The following ASAP1 variants were observed in gnomAD, a reference collection of about 807,000 sequenced individuals.
The protein encoded by ASAP1 is arf-GAP with SH3 domain, ANK repeat and PH domain-containing protein 1.
ASAP1 carries 43 observed loss-of-function variants against 145.2 expected under a neutral mutation model. The observed-to-expected ratio is 0.30, with a 90% CI of 0.23 to 0.38. The LOEUF is 0.38. Among genes scored for constraint, ASAP1 ranks in the 10% least tolerant of loss-of-function variants. The pLI, the probability that ASAP1 is intolerant of heterozygous loss-of-function variation, is 1.00. For missense variants in ASAP1, 1,018 were observed against 1,355.3 expected (o/e 0.75, Z 3.91); for synonymous variants, 546 against 515.5 (o/e 1.06, Z -0.80).
intron 4 of ASAP1, among the ~76,000 whole-genome samples, chr8:130,235,419 A>T (rs1301882325): frequency 3.3e-5 from 5 of 152,114 alleles, no homozygotes; most frequent in African/African-American, 1.2e-4. Context: ...AACATCAAGA[A>T]ACAACAATAT....
At chr8:130,340,591 T>C (rs911399912) in intron 3 of ASAP1, among the ~76,000 whole-genome samples, 3 of 152,236 alleles carry the variant, frequency 2.0e-5, no homozygotes, top group Admixed American at 6.5e-5. Context: ...AATTTAAAAA[T>C]GTTCATTCCA....
chr8:130,260,587 T>C (rs890663061), intron 3 of ASAP1, among the ~76,000 whole-genome samples: 3 of 152,234 alleles, frequency 2.0e-5, no homozygotes, highest in African/African-American at 7.2e-5. Context: ...CTCCCACTCC[T>C]GTGGCTTCTC....
At chr8:130,227,903 G>A (rs1455233620) in intron 4 of ASAP1, among the ~76,000 whole-genome samples, 1 of 152,134 alleles carries the variant, frequency 6.6e-6, no homozygotes, top group East Asian at 1.9e-4. Context: ...TGAAGACAAA[G>A]CTTCTTGCCC....
intron 27 of ASAP1, chr8:130,069,775 T>G (rs1187959786): frequency 1.3e-5 from 2 of 152,156 alleles, no homozygotes; most frequent in Non-Finnish European, 2.9e-5. Flanking sequence ...TTTTAAAAGT[T>G]GCAAGGTAGA....
At chr8:130,426,774 A>G (rs1587027641) in intron 1 of ASAP1, among the ~76,000 whole-genome samples, 1 of 152,186 alleles carries the variant, frequency 6.6e-6, no homozygotes, top group East Asian at 1.9e-4. Context: ...TGAACACCCC[A>G]TTTAACAATG....
At chr8:130,351,935 A>G (rs146692087) in intron 3 of ASAP1, among the ~76,000 whole-genome samples, 382 of 152,348 alleles carry the variant, frequency 2.5e-3, no homozygotes, top group African/African-American at 9.0e-3. Context: ...GAGTTCCAAC[A>G]TATACAATTT....
intron 4 of ASAP1, among the ~76,000 whole-genome samples, chr8:130,216,043 GGAAAA>G (rs201608015): frequency 0.038 from 5,163 of 136,524 alleles, 125 homozygotes; most frequent in Middle Eastern, 0.074. Flanking sequence ...AAAAAGGAAA[GGAAAA>G]GAAAGAAAAG....
intron 3 of ASAP1, among the ~76,000 whole-genome samples, chr8:130,312,066 A>G (rs1586809141): frequency 6.6e-6 from 1 of 152,196 alleles, no homozygotes; most frequent in African/African-American, 2.4e-5. Flanking sequence ...ACTTGAGCCC[A>G]GGAGTTCAAA....
intron 3 of ASAP1, among the ~76,000 whole-genome samples, chr8:130,332,877 A>G (rs1200929353): frequency 1.4e-4 from 22 of 152,050 alleles, no homozygotes. Context: ...AAATATTTCT[A>G]TATAAAAATC....
chr8:130,230,528 C>G (rs757486927), intron 4 of ASAP1, among the ~76,000 whole-genome samples: 2 of 151,950 alleles, frequency 1.3e-5, no homozygotes, highest in Non-Finnish European at 2.9e-5. Flanking sequence ...TTCCTTGACC[C>G]TTCATTATTA....
At chr8:130,125,205 T>G (rs976130607) in intron 17 of ASAP1, among the ~76,000 whole-genome samples, 1 of 152,138 alleles carries the variant, frequency 6.6e-6, no homozygotes, top group Non-Finnish European at 1.5e-5. Flanking sequence ...GTACAAAGAC[T>G]CTCTCACAGT....
At chr8:130,368,002 G>T (rs972311020) in intron 2 of ASAP1, among the ~76,000 whole-genome samples, 2 of 152,002 alleles carry the variant, frequency 1.3e-5, no homozygotes, top group Non-Finnish European at 2.9e-5. Context: ...ATGCTATTTA[G>T]TTAACGTCCT....
intron 2 of ASAP1, among the ~76,000 whole-genome samples, chr8:130,381,179 C>G (rs1487169454): frequency 1.3e-5 from 2 of 152,108 alleles, no homozygotes; most frequent in African/African-American, 4.8e-5. Context: ...AGCCACTGCG[C>G]TCAGCCCCAG....
At chr8:130,225,414 G>C (rs1817532292) in intron 4 of ASAP1, among the ~76,000 whole-genome samples, 1 of 152,140 alleles carries the variant, frequency 6.6e-6, no homozygotes, top group South Asian at 2.1e-4. Flanking sequence ...GCACAGGAAA[G>C]GGTTCGTTAA....
intron 4 of ASAP1, among the ~76,000 whole-genome samples, chr8:130,226,809 T>A (rs1225081622): frequency 6.6e-6 from 1 of 152,240 alleles, no homozygotes; most frequent in East Asian, 1.9e-4. Context: ...TCTGGCTTCA[T>A]CATACAGCCT....
At chr8:130,247,440 T>C (rs1012967607) in intron 3 of ASAP1, among the ~76,000 whole-genome samples, 9 of 152,048 alleles carry the variant, frequency 5.9e-5, no homozygotes, top group African/African-American at 1.9e-4. Flanking sequence ...AAGCAGGTCT[T>C]CCTGATCTCA....
chr8:130,258,025 A>G (rs1486273838), intron 3 of ASAP1, among the ~76,000 whole-genome samples: 1 of 152,222 alleles, frequency 6.6e-6, no homozygotes, highest in Non-Finnish European at 1.5e-5. Flanking sequence ...GATATTTAAA[A>G]TAAAAATTTA....
At chr8:130,285,755 TA>T (rs1038838957) in intron 3 of ASAP1, among the ~76,000 whole-genome samples, 1 of 152,252 alleles carries the variant, frequency 6.6e-6, no homozygotes, top group African/African-American at 2.4e-5. Context: ...AGACTTTCTG[TA>T]AAAAATATGA....
At chr8:130,281,340 C>G (rs749040163) in intron 3 of ASAP1, among the ~76,000 whole-genome samples, 1 of 152,192 alleles carries the variant, frequency 6.6e-6, no homozygotes, top group Non-Finnish European at 1.5e-5. Context: ...ACAAATCTCT[C>G]TATGGTCAAT....
Sources: allele counts gnomAD v4.1 joint callset (sites outside exome capture counted in the v4.1 genomes callset), GRCh38; gene constraint gnomAD v4.1.1; transcripts MANE v1.5; gene names NCBI Gene and HGNC (gene_info 2026-07-23, HGNC 2026-07-21).